Variants in GAN observed in about 807,000 individuals in gnomAD.
GAN encodes the protein epididymis secretory sperm binding protein.
A neutral mutation model predicts 71.3 loss-of-function variants in GAN; 48 were observed. That is an observed-to-expected ratio of 0.67 (90% CI 0.53 to 0.86). GAN has a LOEUF of 0.86. Among genes scored for constraint, GAN ranks in the 40% least tolerant of loss-of-function variants. The probability of loss-of-function intolerance (pLI) is 0.00; values close to 1 mark genes in which losing one functional copy is unlikely to be tolerated. For synonymous variants in GAN, 386 were observed against 276.8 expected, an observed-to-expected ratio of 1.39 and a Z score of -3.92; for missense variants, 928 against 770.1, an observed-to-expected ratio of 1.21 and a Z score of -2.43.
Position 81,351,597 on chromosome 16 carries a change from A to G in GAN, c.182A>G (p.Tyr61Cys), listed in dbSNP as rs1910301746. Reference sequence around the variant, plus strand: ...CCCTTTCTTAGGACAAAGTTAAACTATAATCCTCCAAAAGATGATGGATCA... The same window carrying G: ...CCCTTTCTTAGGACAAAGTTAAACTGTAATCCTCCAAAAGATGATGGATCA... ...ASPYIRTKLN[Y>C]NPPKDDGSTY... is the part of the protein sequence containing the mutation. Residue 61 changes from tyrosine to cysteine, a missense_variant, in exon 2 of 11, where the codon TAT (tyrosine) becomes TGT (cysteine). Tyr to Cys is a radical substitution (Grantham distance 194). Transcript: ENST00000648994. 2 of 1,463,028 alleles carry G rather than the reference A, an allele frequency of 1.4e-6. No homozygotes were observed. Among genetic ancestry groups the G allele is most frequent in the Non-Finnish European group, 9.6e-7 (1 of 1,042,010 alleles). The allele number at this position is 1,463,028 out of a possible 1,614,324, so 90.6% of individuals were successfully genotyped here.
intron 8 of GAN, 30 bp downstream of exon 8, chr16:81,365,140 T>C (rs760076201): frequency 1.2e-6 from 2 of 1,610,146 alleles, no homozygotes; most frequent in African/African-American, 1.3e-5. Context: ...ACTTTGTAGA[T>C]TCCCTTGCTG....
At chr16:81,365,801 A>G (rs1004597588) in intron 9 of GAN, among the ~76,000 whole-genome samples, 2 of 152,008 alleles carry the variant, frequency 1.3e-5, no homozygotes, top group Non-Finnish European at 1.5e-5. Context: ...TGTAGTCTCA[A>G]CATTTAGGGA....
chr16:81,368,614 A>G (rs1910937674), intron 9 of GAN, among the ~76,000 whole-genome samples: 1 of 152,172 alleles, frequency 6.6e-6, no homozygotes, highest in Non-Finnish European at 1.5e-5. Context: ...TGTCTCAGAA[A>G]AGGGAATCAT....
chr16:81,345,650 C>T (rs114425760), intron 1 of GAN, among the ~76,000 whole-genome samples: 3,158 of 152,128 alleles, frequency 0.021, 55 homozygotes, highest in East Asian at 0.082. Flanking sequence ...ATGTAGGTGA[C>T]GGGTTAATGG....
In GAN at chr16:81,357,854, A is replaced by G. The variant is rs1254823893; in HGVS notation, c.896A>G (p.Tyr299Cys). Residue 299 changes from tyrosine (Y) to cysteine (C), a missense_variant, in exon 5 of 11, where the codon TAT becomes TGT. Tyr to Cys is a radical substitution (Grantham distance 194). Transcript: ENST00000648994. ...TAAMRCMCPLYDPNRQLWIEL... is the reference protein window; with the variant it reads ...TAAMRCMCPLCDPNRQLWIEL... ...GCGATGCGATGCATGTGCCCTCTCT[A>G]TGACCCTAACAGGCAGCTTTGGATC... The G allele has an allele frequency of 1.2e-6, 2 of 1,613,252 alleles. No individual in the cohort carries two copies. The highest frequency in any genetic ancestry group is 1.3e-5 in the African/African-American group (1 of 74,904).
Position 81,376,711 on chromosome 16 carries a change from C to T in GAN, c.1503-508C>T, listed in dbSNP as rs188546599. Among the ~76,000 whole-genome samples the T allele has an allele frequency of 8.9e-3, 1,350 of 151,670 alleles. 23 individuals carry two copies. Among genetic ancestry groups the T allele is most frequent in the African/African-American group, 0.032 (1,304 of 41,294 alleles). The stretch of plus-strand genomic sequence containing the variant: ...GTGTATATATATGCACACGCATACA[C>T]ACACACACACACAGGAATTAGCTGA... On this transcript the variant is annotated intron_variant, in intron 9 of 10. Transcript: ENST00000648994.
At chr16:81,333,507 A>C (rs949950721) in intron 1 of GAN, among the ~76,000 whole-genome samples, 1 of 152,186 alleles carries the variant, frequency 6.6e-6, no homozygotes, top group Non-Finnish European at 1.5e-5. Context: ...GGAATAGGCT[A>C]TGCATAGCCT....
chr16:81,364,415 A>G (rs1329821078), intron 7 of GAN, among the ~76,000 whole-genome samples: 2 of 152,172 alleles, frequency 1.3e-5, no homozygotes, highest in Non-Finnish European at 2.9e-5. Flanking sequence ...ACAGGTGTGC[A>G]CCACCACACC....
At chr16:81,319,234 C>T (rs1041140281) in intron 1 of GAN, among the ~76,000 whole-genome samples, 1 of 127,592 alleles carries the variant, frequency 7.8e-6, no homozygotes, top group Non-Finnish European at 1.6e-5. Flanking sequence ...ATCTAACAAC[C>T]TTTCTAAGAA....
chr16:81,353,269 G>A (rs1242729271), intron 2 of GAN, among the ~76,000 whole-genome samples: 4 of 140,738 alleles, frequency 2.8e-5, no homozygotes, highest in African/African-American at 1.2e-4. Context: ...TCCAGCGTGG[G>A]CGACAGAGCG....
chr16:81,354,166 T>C (rs1186089456), intron 2 of GAN, among the ~76,000 whole-genome samples: 1 of 151,930 alleles, frequency 6.6e-6, no homozygotes, highest in Non-Finnish European at 1.5e-5. Flanking sequence ...GTGGTTGACA[T>C]TGGTACAGCA....
At chr16:81,331,698 C>G (rs1056341228) in intron 1 of GAN, among the ~76,000 whole-genome samples, 1 of 152,216 alleles carries the variant, frequency 6.6e-6, no homozygotes, top group African/African-American at 2.4e-5. Flanking sequence ...CTTTGCCAAA[C>G]TCCTTGCATT....
chr16:81,351,341 T>C (rs139085124), intron 1 of GAN, among the ~76,000 whole-genome samples: 144 of 152,350 alleles, frequency 9.5e-4, no homozygotes, highest in Non-Finnish European at 1.7e-3. Flanking sequence ...CATGTGGATC[T>C]TAGTTCTTTG....
intron 2 of GAN, among the ~76,000 whole-genome samples, chr16:81,352,833 G>A (rs563182840): frequency 6.6e-6 from 1 of 152,190 alleles, no homozygotes; most frequent in East Asian, 1.9e-4. Flanking sequence ...ACATAACCAG[G>A]GCTAAGACCA....
intron 7 of GAN, among the ~76,000 whole-genome samples, chr16:81,364,242 C>T (rs1450963776): frequency 6.6e-6 from 1 of 152,114 alleles, no homozygotes; most frequent in Non-Finnish European, 1.5e-5. Context: ...TATTTTCTTT[C>T]TGTCTTTCCC....
At chr16:81,328,529 A>G (rs7203686) in intron 1 of GAN, among the ~76,000 whole-genome samples, 140,674 of 152,274 alleles carry the variant, frequency 0.92, 65,069 homozygotes, top group Middle Eastern at 0.95. Flanking sequence ...AGGTAAACCT[A>G]CTTTGGAGAC....
chr16:81,356,265 G>A (rs1205081621), intron 3 of GAN, among the ~76,000 whole-genome samples: 1 of 152,074 alleles, frequency 6.6e-6, no homozygotes, highest in African/African-American at 2.4e-5. Flanking sequence ...AGTCGTCTTA[G>A]ATATTTTTGA....
chr16:81,365,519 T>G lies in GAN; in HGVS notation c.1502+41T>G, dbSNP rs767056278. 15 of 1,594,538 alleles carry G rather than the reference T, an allele frequency of 9.4e-6. No homozygotes were observed. The South Asian group carries it at 1.7e-4, about 18-fold the overall frequency. On this transcript the variant is annotated intron_variant, in intron 9 of 10. Coordinates refer to ENST00000648994, the MANE Select transcript of GAN (RefSeq NM_022041.4). Reference sequence around the variant, plus strand: ...TTCACATAGCTACTGCAACTTTTTCTTTGTGCTTTCAGTCGTATTTTAGCT... The same window carrying G: ...TTCACATAGCTACTGCAACTTTTTCGTTGTGCTTTCAGTCGTATTTTAGCT...
chr16:81,376,643 T>TGTATATGTATATATACATAC (rs1555512704), intron 9 of GAN, among the ~76,000 whole-genome samples: 3 of 16,354 alleles, frequency 1.8e-4, no homozygotes, highest in Non-Finnish European at 3.4e-4. Context: ...TATATGTGTG[T>TGTATATGTATATATACATAC]ATATATGTGT....
Sources: allele counts gnomAD v4.1 joint callset (sites outside exome capture counted in the v4.1 genomes callset), GRCh38; gene constraint gnomAD v4.1.1; transcripts MANE v1.5; gene names NCBI Gene and HGNC (gene_info 2026-07-23, HGNC 2026-07-21).